Variants in RFX3 observed in about 807,000 individuals in gnomAD.
The protein encoded by RFX3 is regulatory factor X3, also known as transcription factor RFX3.
A neutral mutation model predicts 98.6 loss-of-function variants in RFX3; 14 were observed. The ratio of observed to expected loss-of-function variants is 0.14; its 90% CI spans 0.09 to 0.22. RFX3 has a LOEUF of 0.22. Ranked by LOEUF, RFX3 falls within the 10% of genes least tolerant of loss-of-function variation. The pLI is 1.00. For missense variants in RFX3, 639 were observed against 926.9 expected, an observed-to-expected ratio of 0.69 and a Z score of 4.03; for synonymous variants, 383 against 328.4, an observed-to-expected ratio of 1.17 and a Z score of -1.80.
At chr9:3,511,837 C>G (rs1817689669) in intron 1 of RFX3, among the ~76,000 whole-genome samples, 1 of 151,998 alleles carries the variant, frequency 6.6e-6, no homozygotes, top group Non-Finnish European at 1.5e-5. Flanking sequence ...AATTACTAAA[C>G]AAAAGATATG....
Position 3,449,172 on chromosome 9 carries a change from T to C in RFX3, c.-8-53576A>G, listed in dbSNP as rs553608051. Among the ~76,000 whole-genome samples the C allele has an allele frequency of 5.9e-5, 9 of 152,296 alleles. No individual in the cohort carries two copies. In the East Asian group the frequency reaches 1.2e-3, roughly 20 times the overall value. On this transcript the variant is annotated intron_variant, in intron 1 of 16. Coordinates refer to ENST00000617270, the MANE Select transcript of RFX3 (RefSeq NM_001282116.2). The stretch of plus-strand genomic sequence containing the variant: ...TAAGAATTAAATGATATCATATTAA[T>C]ACATAGGAGAGCAACACCTAGCATA...
intron 15 of RFX3, among the ~76,000 whole-genome samples, chr9:3,230,487 G>C (rs1818317062): frequency 6.6e-6 from 1 of 152,102 alleles, no homozygotes; most frequent in Non-Finnish European, 1.5e-5. Flanking sequence ...CATAGGTCAG[G>C]TCTTTTATAA....
chr9:3,319,626 G>T (rs3012706), intron 4 of RFX3, among the ~76,000 whole-genome samples: 35,619 of 152,024 alleles, frequency 0.23, 6,364 homozygotes, highest in African/African-American at 0.51. Flanking sequence ...GATAACATAT[G>T]AACATTTGTG....
intron 7 of RFX3, among the ~76,000 whole-genome samples, chr9:3,285,060 T>C (rs1300426581): frequency 5.3e-5 from 8 of 151,780 alleles, no homozygotes; most frequent in Non-Finnish European, 7.4e-5. Context: ...ATGACTATAA[T>C]TCCAAATTCA....
chr9:3,304,576 A>G (rs930090859), intron 4 of RFX3, among the ~76,000 whole-genome samples: 1 of 152,022 alleles, frequency 6.6e-6, no homozygotes, highest in African/African-American at 2.4e-5. Flanking sequence ...GTGGGAGGTA[A>G]CTGAATCATG....
chr9:3,425,511 C>T (rs192827014), intron 1 of RFX3, among the ~76,000 whole-genome samples: 1,585 of 152,274 alleles, frequency 0.01, 30 homozygotes, highest in African/African-American at 0.037. Flanking sequence ...CTTCTCTGTA[C>T]CATATCGTTC....
At chr9:3,306,547 A>C (rs1339787426) in intron 4 of RFX3, among the ~76,000 whole-genome samples, 4 of 148,608 alleles carry the variant, frequency 2.7e-5, no homozygotes, top group Non-Finnish European at 4.5e-5. Flanking sequence ...TCTTTAGTAG[A>C]AAATTGACAA....
chr9:3,277,568 C>G, intron 7 of RFX3, 107 bp from the exon 8 acceptor site: 1 of 909,554 alleles, frequency 1.1e-6, no homozygotes, highest in Non-Finnish European at 1.6e-6. Flanking sequence ...TCTTTAACGT[C>G]TCATGATAGT....
At chr9:3,354,426 A>G (rs1835507895) in intron 2 of RFX3, among the ~76,000 whole-genome samples, 1 of 152,000 alleles carries the variant, frequency 6.6e-6, no homozygotes, top group African/African-American at 2.4e-5. Context: ...ACCAAAGTGC[A>G]TTATAATTAA....
At chr9:3,475,442 T>C (rs772898718) in intron 1 of RFX3, among the ~76,000 whole-genome samples, 37 of 151,786 alleles carry the variant, frequency 2.4e-4, no homozygotes, top group Non-Finnish European at 4.3e-4. Flanking sequence ...TCATCTCCAA[T>C]GATTGACAAG....
In RFX3 at chr9:3,299,485, G is replaced by C. The variant is rs189442676; in HGVS notation, c.549+2061C>G. Among the ~76,000 whole-genome samples the C allele has an allele frequency of 1.7e-3, 251 of 151,736 alleles. 2 individuals carry two copies. The highest frequency in any genetic ancestry group is 6.8e-4 in the Non-Finnish European group (46 of 67,752). ...AATATTTGACTATAAATATATTTTT[G>C]AATGAACTTCACTGTGCCTCAAGGT... is the stretch of plus-strand genomic sequence containing the variant. On this transcript the variant is annotated intron_variant, in intron 5 of 16. Transcript: ENST00000617270.
intron 1 of RFX3, among the ~76,000 whole-genome samples, chr9:3,475,438 C>T (rs1164917374): frequency 2.0e-5 from 3 of 151,892 alleles, no homozygotes; most frequent in Non-Finnish European, 4.4e-5. Context: ...TGAGTCATCT[C>T]CAATGATTGA....
rs761746956 is a variant in RFX3, at chr9:3,404,642, AG to A, written c.-8-9047del. 5.3e-5 allele frequency among the ~76,000 whole-genome samples: 8 copies of A among 152,292 alleles called. No individual in the cohort carries two copies. The East Asian group carries it at 1.2e-3, about 22-fold the overall frequency. ...AAATCTTTAGTTAATATCCTTAACT[AG>A]GTTTATTATAATGCTCAAAATCAAC... On this transcript the variant is annotated intron_variant, in intron 1 of 16. Coordinates refer to ENST00000617270, the MANE Select transcript of RFX3 (RefSeq NM_001282116.2).
intron 1 of RFX3, among the ~76,000 whole-genome samples, chr9:3,420,330 GA>G (rs1460723079): frequency 6.6e-6 from 1 of 152,194 alleles, no homozygotes; most frequent in Admixed American, 6.5e-5. Flanking sequence ...GCTGAAATGT[GA>G]ACACAGAAGC....
At chr9:3,430,803 A>G (rs1023079308) in intron 1 of RFX3, among the ~76,000 whole-genome samples, 7 of 152,166 alleles carry the variant, frequency 4.6e-5, no homozygotes, top group Non-Finnish European at 1.0e-4. Flanking sequence ...TGAAAAAAAA[A>G]ATCACATAAA....
At chr9:3,375,042 T>C (rs552425548) in intron 2 of RFX3, among the ~76,000 whole-genome samples, 2 of 152,212 alleles carry the variant, frequency 1.3e-5, no homozygotes, top group Non-Finnish European at 2.9e-5. Context: ...TTGCAGTATG[T>C]ACATTATAAA....
chr9:3,413,540 G>A (rs1028805152), intron 1 of RFX3, among the ~76,000 whole-genome samples: 2 of 151,954 alleles, frequency 1.3e-5, no homozygotes, highest in Admixed American at 6.6e-5. Flanking sequence ...AACTTAACAA[G>A]ACAATACAAA....
At position 3,232,771 on chromosome 9, in the gene RFX3, T is replaced by TGA. The variant is rs36070658; in HGVS notation, c.1969-3884_1969-3883dup. Among the ~76,000 whole-genome samples, 676 of 132,374 alleles carry TGA rather than the reference T, an allele frequency of 5.1e-3. 2 individuals are homozygous for TGA. Among genetic ancestry groups the TGA allele is most frequent in the African/African-American group, 0.014 (472 of 34,366 alleles). 86.8% of individuals were successfully genotyped at this position (132,374 alleles called of 152,430 possible). A position where few individuals can be genotyped will look rare whatever the true frequency, so the allele number is the denominator to read the frequency against. Reference sequence around the variant, plus strand: ...CAGATATTCTCCTTGGTTTAGAATCTGAGAGAGAGAGAGAGAGAGAGAGAG... The same window carrying TGA: ...CAGATATTCTCCTTGGTTTAGAATCTGAGAGAGAGAGAGAGAGAGAGAGAGAG... On this transcript the variant is annotated intron_variant, in intron 15 of 16. Coordinates refer to ENST00000617270, the MANE Select transcript of RFX3 (RefSeq NM_001282116.2).
intron 1 of RFX3, among the ~76,000 whole-genome samples, chr9:3,519,061 T>A (rs1276403862): frequency 6.6e-6 from 1 of 152,190 alleles, no homozygotes; most frequent in Admixed American, 6.5e-5. Flanking sequence ...TGTTTTCAAA[T>A]AATTCATGTA....
Sources: allele counts gnomAD v4.1 joint callset (sites outside exome capture counted in the v4.1 genomes callset), GRCh38; gene constraint gnomAD v4.1.1; transcripts MANE v1.5; gene names NCBI Gene and HGNC (gene_info 2026-07-23, HGNC 2026-07-21).